FBN3: variants seen among roughly 807,000 people sequenced by gnomAD.
FBN3 encodes fibrillin 3.
Under a neutral mutation model 330.1 loss-of-function variants are expected in FBN3, and 234 were observed. The ratio of observed to expected loss-of-function variants is 0.71; its 90% confidence interval spans 0.64 to 0.79. The LOEUF (loss-of-function observed/expected upper bound fraction) is 0.79, where lower values mean the gene tolerates loss of function less well. Among genes scored for constraint, FBN3 ranks in the 30% least tolerant of loss-of-function variants. FBN3 has a pLI of 0.00. For synonymous variants in FBN3, 1,458 were observed against 1,517.3 expected, an observed-to-expected ratio of 0.96 and a Z score of 0.91; for missense variants, 3,606 against 3,886.9, an observed-to-expected ratio of 0.93 and a Z score of 1.92.
chr19:8,093,032 C>T (rs968903249), intron 47 of FBN3, among the ~76,000 whole-genome samples: 2 of 151,682 alleles, frequency 1.3e-5, no homozygotes, highest in Non-Finnish European at 1.5e-5. Context: ...AACCAAAAAC[C>T]ACCTGTTCCC....
intron 13 of FBN3, among the ~76,000 whole-genome samples, chr19:8,134,839 C>CA (rs2083241230): frequency 6.6e-6 from 1 of 151,044 alleles, no homozygotes; most frequent in Non-Finnish European, 1.5e-5. Context: ...GAGGCTGAGG[C>CA]AGGAGAATCA....
chr19:8,134,139 G>A (rs1242705947), intron 13 of FBN3, among the ~76,000 whole-genome samples: 3 of 151,964 alleles, frequency 2.0e-5, no homozygotes, highest in Non-Finnish European at 4.4e-5. Flanking sequence ...TTACTCGGGA[G>A]GCTGAGGCAG....
intron 41 of FBN3, among the ~76,000 whole-genome samples, chr19:8,099,934 C>T (rs2082291999): frequency 6.6e-6 from 1 of 151,038 alleles, no homozygotes; most frequent in Non-Finnish European, 1.5e-5. Flanking sequence ...CGCTTGAACC[C>T]AGGAGGCAGA....
In FBN3 at chr19:8,131,926, A is replaced by G. The variant is rs1315155325; in HGVS notation, c.1715-97T>C. ...ACATTTCCATCTTCCCAGCCATTCT[A>G]TTTCTTTCCTTTCCAGTTTCTTGTC... On this transcript the variant is annotated intron_variant, in intron 14 of 63. Coordinates refer to ENST00000600128, the MANE Select transcript of FBN3 (RefSeq NM_032447.5). This position sits in a 1 kb window ranked among gnomAD's most constrained non-coding sequence, Gnocchi z 4.5. The G allele has an allele frequency of 9.8e-6, 13 of 1,328,182 alleles. No individual in the cohort carries two copies. The highest frequency in any genetic ancestry group is 6.4e-5 in the Admixed American group (2 of 31,414). 82.3% of individuals were successfully genotyped at this position (1,328,182 alleles called of 1,614,324 possible). A position where few individuals can be genotyped will look rare whatever the true frequency, so the allele number is the denominator to read the frequency against.
At chr19:8,103,711 G>A (rs759191962) in intron 38 of FBN3, 24 bp from the exon 39 acceptor site, 2 of 1,608,536 alleles carry the variant, frequency 1.2e-6, no homozygotes, top group South Asian at 1.1e-5. Flanking sequence ...AGGGGTGGAG[G>A]GGAACAGTGG....
At chr19:8,114,909 C>T (rs149822344) in intron 30 of FBN3, among the ~76,000 whole-genome samples, 1 of 152,186 alleles carries the variant, frequency 6.6e-6, no homozygotes, top group African/African-American at 2.4e-5. Context: ...CACTCTGTTG[C>T]CCAGGCTAGA....
In FBN3 at chr19:8,124,641, G is replaced by A. The variant is rs192127737; in HGVS notation, c.2732-633C>T. On this transcript the variant is annotated intron_variant, in intron 22 of 63. Transcript: ENST00000600128. ...CAACCTCCGCCTCCCGGGTTCAAGC[G>A]ATTCTCCTGCCTCAGCCTCCCGAGT... 4.3e-3 allele frequency among the ~76,000 whole-genome samples: 641 copies of A among 149,530 alleles called. 3 individuals are homozygous for A. The highest frequency in any genetic ancestry group is 0.014 in the African/African-American group (577 of 40,562).
chr19:8,115,538 C>T lies in FBN3; in HGVS notation c.3815G>A (p.Arg1272Lys). ...ACCAGAGCAGCCTGTGGCCCCCTTC[C>T]TGACCATGTAGCCCAGCTGACAGTG... ...VCHCQLGYMVRKGATGCSDVD... is the reference protein window; with the variant it reads ...VCHCQLGYMVKKGATGCSDVD... Residue 1272 changes from arginine (R) to lysine (K), a missense_variant, in exon 30 of 64, where the codon AGG (arginine) becomes AAG (lysine). Coordinates refer to ENST00000600128, the MANE Select transcript of FBN3 (RefSeq NM_032447.5). 2 of 1,614,094 alleles carry T rather than the reference C, an allele frequency of 1.2e-6. No individual in the cohort carries two copies. The highest frequency in any genetic ancestry group is 1.7e-6 in the Non-Finnish European group (2 of 1,180,026).
At chr19:8,132,116 G>A (rs1252731621) in intron 14 of FBN3, among the ~76,000 whole-genome samples, 3 of 152,118 alleles carry the variant, frequency 2.0e-5, no homozygotes, top group Non-Finnish European at 4.4e-5. Flanking sequence ...CGTGATCATA[G>A]CTCACTGCGG....
rs116450972 is a variant in FBN3 at position 8,123,779 on chromosome 19, C to T, written c.2956+5G>A. The T allele has an allele frequency of 3.0e-3, 4,853 of 1,612,942 alleles. 139 individuals carry two copies. In the African/African-American group the frequency reaches 0.056, roughly 19 times the overall value. ...CCAGGGGCCTGACCCCTTCCCCAAC[C>T]GCACCTTTATAGAATGGTCGGCCAG... On this transcript the variant is annotated splice_donor_5th_base_variant and intron_variant, in intron 23 of 63. Coordinates refer to ENST00000600128, the MANE Select transcript of FBN3 (RefSeq NM_032447.5).
At chr19:8,139,889 C>T (rs2083373598) in intron 8 of FBN3, among the ~76,000 whole-genome samples, 1 of 151,970 alleles carries the variant, frequency 6.6e-6, no homozygotes, top group Admixed American at 6.6e-5. Context: ...CCCTGACCTG[C>T]CCCGAGCTGG....
rs773642999 is a variant in FBN3, at chr19:8,131,228, C to T, written c.2044+7G>A. 5 of 1,606,778 alleles carry T rather than the reference C, an allele frequency of 3.1e-6. No homozygotes were observed. In the African/African-American group the frequency reaches 6.7e-5, roughly 21 times the overall value. On this transcript the variant is annotated splice_region_variant and intron_variant, in intron 16 of 63. Transcript: ENST00000600128. The surrounding 1 kb of genome is among the most constrained non-coding windows in gnomAD (Gnocchi z 4.5). Reference sequence around the variant, plus strand: ...GCTGCTGTTTGGAGGGGCTGGGCTCCACTTACCTCGACCATCCGTGGTAAT... The same window carrying T: ...GCTGCTGTTTGGAGGGGCTGGGCTCTACTTACCTCGACCATCCGTGGTAAT...
chr19:8,101,475 C>T (rs897535517), intron 40 of FBN3, among the ~76,000 whole-genome samples: 3 of 152,206 alleles, frequency 2.0e-5, no homozygotes, highest in Non-Finnish European at 2.9e-5. Flanking sequence ...TTCAGTCCTG[C>T]CTCCAGGCCT....
At chr19:8,118,829 CCAGA>C in intron 26 of FBN3, 64 bp downstream of exon 26, 2 of 1,560,126 alleles carry the variant, frequency 1.3e-6, no homozygotes, top group Non-Finnish European at 1.8e-6. Flanking sequence ...CCCACATTCA[CCAGA>C]CATCCACTCA....
intron 40 of FBN3, 96 bp downstream of exon 40, chr19:8,102,628 G>A (rs2144767248): frequency 8.1e-7 from 1 of 1,239,634 alleles, no homozygotes; most frequent in Non-Finnish European, 1.1e-6. Context: ...ATCAGAACAA[G>A]GAGGATTAAT....
chr19:8,133,189 C>A (rs1238339401), intron 13 of FBN3, 83 bp from the exon 14 acceptor site: 3 of 1,445,314 alleles, frequency 2.1e-6, no homozygotes, highest in Admixed American at 4.6e-5. Context: ...CAGGGCTGAC[C>A]CCCCAGGATC....
chr19:8,136,620 C>T (rs1420279283), intron 10 of FBN3, 89 bp from the exon 11 acceptor site: 1 of 1,548,946 alleles, frequency 6.5e-7, no homozygotes, highest in Non-Finnish European at 8.8e-7. Context: ...GCCCAGATAC[C>T]CCCTCTAAGG....
rs771028896 is a variant in FBN3 at position 8,102,770 on chromosome 19, G to T, written c.5043C>A (p.Gly1681=). The T allele has an allele frequency of 1.2e-6, 2 of 1,613,962 alleles. No individual in the cohort carries two copies. The highest frequency in any genetic ancestry group is 1.7e-6 in the Non-Finnish European group (2 of 1,180,020). ...CCTCACAGGGTCTATTCCAGGCCTG[G>T]CCAATGTTGTAGGAGCAGCAACACA... is the stretch of plus-strand genomic sequence containing the variant. ...RKMCCCSYNI[G]QAWNRPCEAC... is the part of the protein sequence containing the mutation. Residue 1681 remains glycine, a synonymous_variant, in exon 40 of 64, where the codon GGC becomes GGA. Transcript: ENST00000600128.
intron 48 of FBN3, among the ~76,000 whole-genome samples, chr19:8,090,563 A>G (rs2082075391): frequency 6.6e-6 from 1 of 150,558 alleles, no homozygotes; most frequent in Admixed American, 6.6e-5. Flanking sequence ...AGCTCACTGC[A>G]ACCTCTACCT....
Sources: gnomAD v4.1 joint callset for allele counts (sites outside exome capture counted in the v4.1 genomes callset) on GRCh38, gnomAD v4.1.1 for gene constraint, Gnocchi (gnomAD v3.1) non-coding constraint, MANE v1.5 for transcripts, NCBI Gene and HGNC (gene_info 2026-07-23, HGNC 2026-07-21) for gene names.